The following C6orf52 variants were observed in gnomAD, a reference collection of about 807,000 sequenced individuals.
The protein encoded by C6orf52 is chromosome 6 open reading frame 52, also known as putative uncharacterized protein C6orf52.
C6orf52 carries 16 observed loss-of-function variants against 16.6 expected under a neutral mutation model. The observed-to-expected ratio is 0.96, with a 90% confidence interval of 0.65 to 1.46. C6orf52 has a LOEUF of 1.46. C6orf52 is among the 40% of genes most tolerant of loss of function. C6orf52 has a pLI of 0.00. For missense variants in C6orf52, 166 were observed against 182.3 expected (o/e 0.91, Z 0.52); for synonymous variants, 53 against 61.4 (o/e 0.86, Z 0.64).
intron 4 of C6orf52, among the ~76,000 whole-genome samples, chr6:10,678,284 A>G (rs1032039939): frequency 6.6e-6 from 1 of 151,398 alleles, no homozygotes; most frequent in African/African-American, 2.4e-5. Context: ...GTTTTAATCC[A>G]TGAGCATGAG....
chr6:10,680,318 T>C (rs889458003), intron 4 of C6orf52, among the ~76,000 whole-genome samples: 2 of 152,226 alleles, frequency 1.3e-5, no homozygotes. Context: ...GGATGTATCA[T>C]GTTTATTAAT....
intron 4 of C6orf52, among the ~76,000 whole-genome samples, chr6:10,682,268 A>G (rs760053132): frequency 1.3e-5 from 2 of 152,236 alleles, no homozygotes; most frequent in Admixed American, 6.5e-5. Context: ...TGCATAACTG[A>G]TAAAAGGCAG....
intron 4 of C6orf52, among the ~76,000 whole-genome samples, chr6:10,675,494 G>A (rs1035465402): frequency 2.6e-5 from 4 of 152,192 alleles, no homozygotes; most frequent in African/African-American, 4.8e-5. Context: ...AGACACGGAG[G>A]TACAGATGTC....
At chr6:10,674,641 T>G (rs1323590019) in intron 4 of C6orf52, 1 of 138,202 alleles carries the variant, frequency 7.2e-6, no homozygotes, top group Non-Finnish European at 1.6e-5. Context: ...CTTTCTTTCT[T>G]TTTTTTTTTT....
chr6:10,682,963 T>TCC (rs1333870432), intron 4 of C6orf52, among the ~76,000 whole-genome samples: 1 of 152,214 alleles, frequency 6.6e-6, no homozygotes, highest in African/African-American at 2.4e-5. Flanking sequence ...TTTGGGAATG[T>TCC]CCCCCTTTCT....
intron 4 of C6orf52, among the ~76,000 whole-genome samples, chr6:10,682,035 C>G (rs1021316989): frequency 1.3e-5 from 2 of 152,160 alleles, no homozygotes; most frequent in South Asian, 2.1e-4. Context: ...AGGGGAGGAG[C>G]CTGGCCTTTT....
At chr6:10,693,734 C>CT (rs368455566) in intron 1 of C6orf52, among the ~76,000 whole-genome samples, 105 of 151,744 alleles carry the variant, frequency 6.9e-4, no homozygotes, top group African/African-American at 2.0e-3. Context: ...TTAAATAAAA[C>CT]TTTTTTTTTC....
intron 4 of C6orf52, among the ~76,000 whole-genome samples, chr6:10,673,662 C>T (rs953844467): frequency 3.3e-5 from 5 of 152,160 alleles, no homozygotes; most frequent in African/African-American, 4.8e-5. Context: ...ACCACTGATA[C>T]ATTTAAAAGT....
At position 10,687,082 on chromosome 6, in the gene C6orf52, C is replaced by G; in HGVS notation, c.154G>C (p.Gly52Arg). The G allele has an allele frequency of 6.4e-7, 1 of 1,551,922 alleles. No individual in the cohort carries two copies. The highest frequency in any genetic ancestry group is 8.7e-7 in the Non-Finnish European group (1 of 1,146,988). The change falls in exon 3 of 5, where the codon GGC (glycine) becomes CGC (arginine). Residue 52 changes from glycine (G) to arginine (R), a missense_variant. Coordinates refer to ENST00000259983, the MANE Select transcript of C6orf52 (RefSeq NM_001145020.3). ...RYGNWYARQH[G>R]SYLLSGYSYG... ...CTGTAGCCAGAAAGAAGGTAAGAGC[C>G]GTGCTGTCGCGCATACCAGTTGCCA...
intron 1 of C6orf52, among the ~76,000 whole-genome samples, chr6:10,693,750 A>G (rs1417204288): frequency 6.6e-6 from 1 of 152,078 alleles, no homozygotes; most frequent in African/African-American, 2.4e-5. Context: ...TTTTCTTTGA[A>G]AGGGGGCCTG....
intron 3 of C6orf52, among the ~76,000 whole-genome samples, chr6:10,684,286 C>T (rs762800354): frequency 6.6e-6 from 1 of 151,980 alleles, no homozygotes; most frequent in Non-Finnish European, 1.5e-5. Context: ...CCAGCCTGGG[C>T]AAAAGAGCAA....
At chr6:10,685,407 G>T (rs563589821) in intron 3 of C6orf52, among the ~76,000 whole-genome samples, 25 of 151,964 alleles carry the variant, frequency 1.6e-4, no homozygotes, top group Non-Finnish European at 3.1e-4. Flanking sequence ...TTATATAAGA[G>T]GCACACCTAA....
At chr6:10,693,131 C>T (rs1366864565) in intron 1 of C6orf52, among the ~76,000 whole-genome samples, 1 of 152,180 alleles carries the variant, frequency 6.6e-6, no homozygotes, top group Non-Finnish European at 1.5e-5. Flanking sequence ...AGGCACGTTC[C>T]AGCTCACAGC....
rs569954174 is a variant in C6orf52 at position 10,683,546 on chromosome 6, C to A, written c.271-314G>T. On this transcript the variant is annotated intron_variant, in intron 3 of 4. Coordinates refer to ENST00000259983, the MANE Select transcript of C6orf52 (RefSeq NM_001145020.3). ...GAGCCTGAGCTAGGAAACCAGACACCAGCGACCCTGGTATCCAGGCTCCTT... is the reference window on the plus strand; with the variant it reads ...GAGCCTGAGCTAGGAAACCAGACACAAGCGACCCTGGTATCCAGGCTCCTT... Among the ~76,000 whole-genome samples, 18 of 152,292 alleles carry A rather than the reference C, an allele frequency of 1.2e-4. 1 individual carries two copies. In the Middle Eastern group the frequency reaches 0.01, roughly 86 times the overall value.
chr6:10,691,693 T>C (rs564853353), intron 1 of C6orf52, among the ~76,000 whole-genome samples: 44 of 152,206 alleles, frequency 2.9e-4, no homozygotes, highest in Non-Finnish European at 5.3e-4. Flanking sequence ...AAAATGTATA[T>C]CCACATATTT....
chr6:10,687,276 G>T, intron 2 of C6orf52, 112 bp from the exon 3 acceptor site: 2 of 832,014 alleles, frequency 2.4e-6, no homozygotes, highest in Non-Finnish European at 3.8e-6. Context: ...CAAAGCCATA[G>T]TTTGATACCT....
At chr6:10,682,437 T>C (rs1768482164) in intron 4 of C6orf52, among the ~76,000 whole-genome samples, 1 of 152,176 alleles carries the variant, frequency 6.6e-6, no homozygotes, top group African/African-American at 2.4e-5. Flanking sequence ...ACTGAGCACC[T>C]ACTGACATGT....
chr6:10,694,687 C>G, upstream of C6orf52: 2 of 317,216 alleles, frequency 6.3e-6, no homozygotes, highest in South Asian at 7.9e-5. Context: ...TCCCTTCAGA[C>G]GGGCGTAGCT....
intron 4 of C6orf52, among the ~76,000 whole-genome samples, chr6:10,677,524 A>G (rs970322020): frequency 2.7e-5 from 4 of 146,386 alleles, no homozygotes; most frequent in Non-Finnish European, 6.0e-5. Flanking sequence ...AAATTATAGT[A>G]TCATTTTTTT....
Sources: allele counts gnomAD v4.1 joint callset (sites outside exome capture counted in the v4.1 genomes callset), GRCh38; gene constraint gnomAD v4.1.1; transcripts MANE v1.5; gene names NCBI Gene and HGNC (gene_info 2026-07-23, HGNC 2026-07-21).